Variants in FSIP1 observed in about 807,000 individuals in gnomAD.
FSIP1 encodes the protein fibrous sheath-interacting protein 1.
A neutral mutation model predicts 60.9 loss-of-function variants in FSIP1; 65 were observed. The observed-to-expected ratio is 1.07, with a 90% confidence interval of 0.87 to 1.31. FSIP1 has a LOEUF of 1.31. Ranked by LOEUF, FSIP1 falls within the 40% of genes most tolerant of loss-of-function variation. FSIP1 has a pLI of 0.00. For synonymous variants in FSIP1, 209 were observed against 221.2 expected (o/e 0.94, Z 0.49); for missense variants, 675 against 665.5 (o/e 1.01, Z -0.16).
At chr15:39,601,550 A>T (rs1428103327) in intron 11 of FSIP1, among the ~76,000 whole-genome samples, 1 of 152,260 alleles carries the variant, frequency 6.6e-6, no homozygotes, top group Non-Finnish European at 1.5e-5. Context: ...ACTTCTAGGT[A>T]TAAGCCCAAG....
intron 9 of FSIP1, among the ~76,000 whole-genome samples, chr15:39,722,018 C>T (rs964387013): frequency 1.3e-5 from 2 of 152,090 alleles, no homozygotes; most frequent in Non-Finnish European, 2.9e-5. Context: ...TGTTAGGAAC[C>T]GGGCCCCAGA....
chr15:39,683,782 T>C (rs1011746777), intron 10 of FSIP1, among the ~76,000 whole-genome samples: 6 of 152,174 alleles, frequency 3.9e-5, no homozygotes, highest in Non-Finnish European at 7.3e-5. Flanking sequence ...TATACACTTC[T>C]TGTATACATA....
chr15:39,667,224 T>G lies in FSIP1; in HGVS notation c.1188+46220A>C, dbSNP rs530145685. On this transcript the variant is annotated intron_variant, in intron 10 of 11. Transcript: ENST00000350221. ...TCAATGACTTGATTAAAGAAAATAA[T>G]TTTTTTAATAAATCAAAAGTACCAT... Among the ~76,000 whole-genome samples the G allele has an allele frequency of 9.9e-5, 15 of 152,238 alleles. No homozygotes were observed. In the South Asian group the frequency reaches 2.5e-3, roughly 25 times the overall value.
intron 10 of FSIP1, among the ~76,000 whole-genome samples, chr15:39,662,861 C>T (rs1027950688): frequency 2.0e-5 from 3 of 152,152 alleles, no homozygotes; most frequent in East Asian, 1.9e-4. Context: ...CATATATAAA[C>T]GAATATAATG....
chr15:39,642,284 G>C (rs1892402091), intron 10 of FSIP1, among the ~76,000 whole-genome samples: 1 of 152,174 alleles, frequency 6.6e-6, no homozygotes, highest in Non-Finnish European at 1.5e-5. Flanking sequence ...CTTAACGCAA[G>C]TTTCCCCTCT....
chr15:39,726,053 A>G (rs1044211144), intron 9 of FSIP1, among the ~76,000 whole-genome samples: 3 of 152,190 alleles, frequency 2.0e-5, no homozygotes, highest in African/African-American at 7.2e-5. Context: ...TGGCCTCCCA[A>G]AGTGCTGGGA....
At chr15:39,652,203 G>C (rs1892899364) in intron 10 of FSIP1, among the ~76,000 whole-genome samples, 1 of 152,180 alleles carries the variant, frequency 6.6e-6, no homozygotes, top group South Asian at 2.1e-4. Context: ...TGAAGGGGAG[G>C]ATCGGGCTAA....
At chr15:39,673,481 T>C (rs960480984) in intron 10 of FSIP1, among the ~76,000 whole-genome samples, 1 of 151,634 alleles carries the variant, frequency 6.6e-6, no homozygotes, top group East Asian at 1.9e-4. Flanking sequence ...ACCTGGTTAT[T>C]TTTTTTTATT....
chr15:39,772,672 C>CCTCCAT (rs1323012581), intron 2 of FSIP1, among the ~76,000 whole-genome samples: 1 of 151,724 alleles, frequency 6.6e-6, no homozygotes, highest in Admixed American at 6.6e-5. Flanking sequence ...CTCACTGCAG[C>CCTCCAT]CTCCATCTCC....
At chr15:39,767,340 T>C (rs185494106) in intron 3 of FSIP1, among the ~76,000 whole-genome samples, 24 of 152,320 alleles carry the variant, frequency 1.6e-4, no homozygotes, top group Admixed American at 2.6e-4. Flanking sequence ...TAGCGGGCAT[T>C]TTGAAGTAAC....
intron 10 of FSIP1, among the ~76,000 whole-genome samples, chr15:39,627,462 G>A (rs1410233747): frequency 1.3e-5 from 2 of 152,250 alleles, no homozygotes; most frequent in African/African-American, 2.4e-5. Flanking sequence ...AAGTGCAAGA[G>A]AATTCATGCC....
chr15:39,669,684 G>A (rs578172749), intron 10 of FSIP1, among the ~76,000 whole-genome samples: 7 of 152,188 alleles, frequency 4.6e-5, no homozygotes, highest in East Asian at 3.9e-4. Context: ...AAGTTATGAG[G>A]CTAAAAATTA....
At chr15:39,634,864 G>A (rs898281413) in intron 10 of FSIP1, among the ~76,000 whole-genome samples, 1 of 152,224 alleles carries the variant, frequency 6.6e-6, no homozygotes, top group Non-Finnish European at 1.5e-5. Context: ...AGGATCCTAT[G>A]AGCACAATGT....
rs1002051670 is a variant in FSIP1, at chr15:39,782,647, G to C, written c.-27C>G. 2 of 152,482 alleles carry C rather than the reference G, an allele frequency of 1.3e-5. No homozygotes were observed. The highest frequency in any genetic ancestry group is 4.8e-5 in the African/African-American group (2 of 41,440). The allele number at this position is 152,482 out of a possible 1,614,324, so 9.4% of individuals were successfully genotyped here. On this transcript the variant is annotated 5_prime_UTR_variant, in exon 1 of 12. Transcript: ENST00000350221. ...CCTCACCTTCCCGCCGGGCCTCCTCGAGGAACTGGCCGCCGTCAGTCAGGG... is the reference window on the plus strand; with the variant it reads ...CCTCACCTTCCCGCCGGGCCTCCTCCAGGAACTGGCCGCCGTCAGTCAGGG...
At chr15:39,616,519 A>G (rs1220752672) in intron 11 of FSIP1, among the ~76,000 whole-genome samples, 1 of 152,226 alleles carries the variant, frequency 6.6e-6, no homozygotes, top group Non-Finnish European at 1.5e-5. Context: ...TTCAAATACC[A>G]TTGAAGGGGT....
intron 9 of FSIP1, among the ~76,000 whole-genome samples, chr15:39,724,840 T>C (rs1003143755): frequency 8.5e-5 from 13 of 152,206 alleles, no homozygotes; most frequent in African/African-American, 2.9e-4. Flanking sequence ...ATGAAAAGAA[T>C]AGAGTATCTG....
chr15:39,779,353 T>C (rs1174344630), intron 1 of FSIP1, among the ~76,000 whole-genome samples: 1 of 152,206 alleles, frequency 6.6e-6, no homozygotes, highest in Non-Finnish European at 1.5e-5. Context: ...GGGTTCTGGA[T>C]TGGTGGGTTT....
At chr15:39,626,477 G>A (rs4476147) in intron 10 of FSIP1, among the ~76,000 whole-genome samples, 13,943 of 152,108 alleles carry the variant, frequency 0.092, 773 homozygotes, top group East Asian at 0.21. Context: ...CAGTCTGCCC[G>A]TAGGTCAGCG....
chr15:39,764,836 A>C (rs563204416), intron 4 of FSIP1, among the ~76,000 whole-genome samples: 2 of 152,328 alleles, frequency 1.3e-5, no homozygotes, highest in African/African-American at 4.8e-5. Context: ...ACAAAGGTTT[A>C]CCCAAATAAT....
Sources: gnomAD v4.1 joint callset for allele counts (sites outside exome capture counted in the v4.1 genomes callset) on GRCh38, gnomAD v4.1.1 for gene constraint, MANE v1.5 for transcripts, NCBI Gene and HGNC (gene_info 2026-07-23, HGNC 2026-07-21) for gene names.